DYNLRB2: variants seen among roughly 807,000 people sequenced by gnomAD.
DYNLRB2 encodes the protein bithoraxoid-like protein.
Under a neutral mutation model 12.6 loss-of-function variants are expected in DYNLRB2, and 14 were observed. That is an observed-to-expected ratio of 1.11 (90% confidence interval 0.73 to 1.73). The LOEUF (loss-of-function observed/expected upper bound fraction) is 1.73. Ranked by LOEUF, DYNLRB2 falls within the 40% of genes most tolerant of loss-of-function variation. The probability of loss-of-function intolerance (pLI) is 0.00; values close to 1 mark genes in which losing one functional copy is unlikely to be tolerated. For synonymous variants in DYNLRB2, 53 were observed against 37.0 expected, an observed-to-expected ratio of 1.43 and a Z score of -1.57; for missense variants, 142 against 117.7, an observed-to-expected ratio of 1.21 and a Z score of -0.95.
intron 2 of DYNLRB2, among the ~76,000 whole-genome samples, chr16:80,543,650 G>A (rs1167549929): frequency 6.6e-6 from 1 of 152,114 alleles, no homozygotes; most frequent in East Asian, 1.9e-4. Flanking sequence ...CATTTCAGAA[G>A]TGCCAATAAA....
intron 2 of DYNLRB2, among the ~76,000 whole-genome samples, chr16:80,543,853 A>G (rs1382762846): frequency 1.3e-5 from 2 of 152,314 alleles, no homozygotes; most frequent in Admixed American, 6.5e-5. Context: ...AGAAGGCCCT[A>G]CATATTTCCA....
Position 80,550,746 on chromosome 16 carries a change from A to G in DYNLRB2, c.*188A>G. The G allele has an allele frequency of 1.6e-6, 1 of 635,710 alleles. No homozygotes were observed. The highest frequency in any genetic ancestry group is 2.7e-6 in the Non-Finnish European group (1 of 370,140). The allele number at this position is 635,710 out of a possible 1,614,324, so 39.4% of individuals were successfully genotyped here. ...TTGTGAAGTTGTACTTTAGTGATAC[A>G]ATAAGTGAATTCTGGTATATACGTC... On this transcript the variant is annotated 3_prime_UTR_variant, in exon 4 of 4. Transcript: ENST00000305904.
intron 2 of DYNLRB2, among the ~76,000 whole-genome samples, chr16:80,547,463 GT>G (rs1555518643): frequency 6.6e-6 from 1 of 151,944 alleles, no homozygotes; most frequent in Non-Finnish European, 1.5e-5. Flanking sequence ...TTCCAAGTGT[GT>G]ATGGCGGATA....
chr16:80,547,660 A>T, intron 2 of DYNLRB2: 1 of 422,558 alleles, frequency 2.4e-6, no homozygotes, highest in Non-Finnish European at 4.8e-6. Context: ...CACCCTTAGT[A>T]GGTAGTCACT....
chr16:80,548,425 T>C (rs1904615003), intron 2 of DYNLRB2, among the ~76,000 whole-genome samples: 1 of 152,156 alleles, frequency 6.6e-6, no homozygotes, highest in African/African-American at 2.4e-5. Flanking sequence ...TTTAAACTCA[T>C]GTAACAGAAC....
Position 80,541,058 on chromosome 16 carries a change from G to C in DYNLRB2, c.-19G>C. 2.5e-6 allele frequency: 4 copies of C among 1,608,098 alleles called. No individual in the cohort carries two copies. Among genetic ancestry groups the C allele is most frequent in the Non-Finnish European group, 3.4e-6 (4 of 1,176,698 alleles). On this transcript the variant is annotated 5_prime_UTR_variant, in exon 1 of 4. Transcript: ENST00000305904. ...AGGCTGTGCCGCCGGCCTGAGCCCA[G>C]AGTTTCGCGGCCTCCGCGATGGTAA...
intron 2 of DYNLRB2, chr16:80,549,026 T>C (rs761000663): frequency 2.4e-4 from 109 of 455,746 alleles, no homozygotes; most frequent in Non-Finnish European, 7.9e-5. Flanking sequence ...GTGCATTTCA[T>C]ATAAAAATAT....
In DYNLRB2 at chr16:80,549,555, A is replaced by G. The variant is rs1904705357; in HGVS notation, c.151A>G (p.Met51Val). 1 of 1,613,504 alleles carries G rather than the reference A, an allele frequency of 6.2e-7. No homozygotes were observed. Among genetic ancestry groups the G allele is most frequent in the Non-Finnish European group, 8.5e-7 (1 of 1,179,584 alleles). ...TGCAGGCCTTCTTCATCACCTGACA[A>G]TGAAAGCCAAAAGCACAGTTCGTGA... ...QYAGLLHHLTMKAKSTVRDID... is the reference protein window; with the variant it reads ...QYAGLLHHLTVKAKSTVRDID... The change falls in exon 3 of 4, where the codon ATG becomes GTG. Residue 51 changes from methionine to valine, a missense_variant. Physicochemically the swap from Met to Val is conservative, Grantham distance 21. Coordinates refer to ENST00000305904, the MANE Select transcript of DYNLRB2 (RefSeq NM_130897.3).
intron 2 of DYNLRB2, among the ~76,000 whole-genome samples, chr16:80,545,067 C>G (rs1329798516): frequency 6.6e-6 from 1 of 152,102 alleles, no homozygotes; most frequent in East Asian, 1.9e-4. Flanking sequence ...ACTCTTCAAC[C>G]CTGTACAGGT....
Position 80,547,868 on chromosome 16 carries a change from A to G in DYNLRB2, c.80-1616A>G, listed in dbSNP as rs1223322539. The G allele has an allele frequency of 6.6e-6, 3 of 456,426 alleles. No homozygotes were observed. In the Admixed American group the frequency reaches 7.1e-5, roughly 11 times the overall value. The allele number at this position is 456,426 out of a possible 1,614,324, so 28.3% of individuals were successfully genotyped here. A position where few individuals can be genotyped will look rare whatever the true frequency, so the allele number is the denominator to read the frequency against. On this transcript the variant is annotated intron_variant, in intron 2 of 3. Coordinates refer to ENST00000305904, the MANE Select transcript of DYNLRB2 (RefSeq NM_130897.3). ...GCAAGGTTTTTATTATGCTTTATTT[A>G]TTGAATAGGTTTTCCTGTAAATATT...
chr16:80,550,394 T>G (rs974064051), intron 3 of DYNLRB2, 121 bp from the exon 4 acceptor site: 33 of 1,104,884 alleles, frequency 3.0e-5, no homozygotes, highest in Middle Eastern at 5.3e-4. Flanking sequence ...GCAGATAGGG[T>G]GGGAAACCAT....
At chr16:80,542,709 G>A (rs894004435) in intron 1 of DYNLRB2, among the ~76,000 whole-genome samples, 6 of 152,154 alleles carry the variant, frequency 3.9e-5, no homozygotes, top group African/African-American at 9.7e-5. Flanking sequence ...GCACTGAGAC[G>A]CAAGCTATAG....
At chr16:80,540,974 T>C (rs186083546), upstream of DYNLRB2, 13 of 1,572,904 alleles carry the variant, frequency 8.3e-6, no homozygotes, top group South Asian at 5.8e-5. Context: ...GACGCTTCCG[T>C]GGGGCCACTT....
In DYNLRB2 at chr16:80,542,708, C is replaced by T. The variant is rs1366775098; in HGVS notation, c.4-568C>T. On this transcript the variant is annotated intron_variant, in intron 1 of 3. Coordinates refer to ENST00000305904, the MANE Select transcript of DYNLRB2 (RefSeq NM_130897.3). Reference sequence around the variant, plus strand: ...GTTGAACATTCAGCTTGCACTGAGACGCAAGCTATAGTTATCAAGAAAATC... The same window carrying T: ...GTTGAACATTCAGCTTGCACTGAGATGCAAGCTATAGTTATCAAGAAAATC... 9.9e-5 allele frequency among the ~76,000 whole-genome samples: 15 copies of T among 152,154 alleles called. 1 individual carries two copies. The East Asian group carries it at 2.3e-3, about 23-fold the overall frequency.
intron 2 of DYNLRB2, among the ~76,000 whole-genome samples, chr16:80,545,663 C>CTTATTTTTT (rs1597091152): frequency 3.3e-5 from 1 of 30,170 alleles, no homozygotes; most frequent in African/African-American, 6.9e-5. Context: ...TACCCATTAG[C>CTTATTTTTT]TTCTTTTTTT....
chr16:80,541,611 G>A lies in DYNLRB2; in HGVS notation c.3+532G>A, dbSNP rs574262554. Among the ~76,000 whole-genome samples the A allele has an allele frequency of 2.2e-5, 3 of 136,410 alleles. No individual in the cohort carries two copies. In the East Asian group the frequency reaches 6.5e-4, roughly 30 times the overall value. 89.5% of individuals were successfully genotyped at this position (136,410 alleles called of 152,430 possible). A position where few individuals can be genotyped will look rare whatever the true frequency, so the allele number is the denominator to read the frequency against. ...AAAAGAGGTAAGAAAAAAAAAAGTA[G>A]AGACTGTGGAAAGCAAAGGGCGTTA... On this transcript the variant is annotated intron_variant, in intron 1 of 3. Coordinates refer to ENST00000305904, the MANE Select transcript of DYNLRB2 (RefSeq NM_130897.3).
upstream of DYNLRB2, chr16:80,540,766 T>C (rs946054976): frequency 2.4e-5 from 17 of 703,110 alleles, no homozygotes; most frequent in African/African-American, 2.8e-4. Flanking sequence ...CCTCAATGAA[T>C]GAATGAATGG....
At chr16:80,549,384 T>C in intron 2 of DYNLRB2, 100 bp from the exon 3 acceptor site, 1 of 1,222,054 alleles carries the variant, frequency 8.2e-7, no homozygotes, top group Non-Finnish European at 1.1e-6. Flanking sequence ...ATCACTTTTT[T>C]CTCTTCTTTA....
intron 3 of DYNLRB2, 138 bp from the exon 4 acceptor site, chr16:80,550,377 C>A (rs1904766823): frequency 2.2e-6 from 2 of 890,256 alleles, no homozygotes; most frequent in Non-Finnish European, 3.5e-6. Context: ...ACAGGTAATT[C>A]ATACGTGCAG....
Sources: gnomAD v4.1 joint callset for allele counts (sites outside exome capture counted in the v4.1 genomes callset) on GRCh38, gnomAD v4.1.1 for gene constraint, MANE v1.5 for transcripts, NCBI Gene and HGNC (gene_info 2026-07-23, HGNC 2026-07-21) for gene names.